Variants in EBF1 observed in about 807,000 individuals in gnomAD.
EBF1 encodes EBF transcription factor 1.
A neutral mutation model predicts 68.4 loss-of-function variants in EBF1; 10 were observed. That is an observed-to-expected ratio of 0.15 (90% CI 0.09 to 0.25). The LOEUF is 0.25. EBF1 is among the 10% of genes least tolerant of loss of function. The pLI, the probability that EBF1 is intolerant of heterozygous loss-of-function variation, is 1.00. For missense variants in EBF1, 509 were observed against 794.4 expected, an observed-to-expected ratio of 0.64 and a Z score of 4.32; for synonymous variants, 298 against 299.8, an observed-to-expected ratio of 0.99 and a Z score of 0.06.
rs757484665 is a variant in EBF1, at chr5:159,096,320, C to T, written c.355+23G>A. On this transcript the variant is annotated intron_variant, in intron 3 of 15. Coordinates refer to ENST00000313708, the MANE Select transcript of EBF1 (RefSeq NM_024007.5). ...CAGACCCGGAGCCCCAGGGTGAGGC[C>T]ATAGACCCGACCCGGGCCTCACCAT... 18 of 1,610,536 alleles carry T rather than the reference C, an allele frequency of 1.1e-5. No individual in the cohort carries two copies. The African/African-American group carries it at 2.3e-4, about 20-fold the overall frequency.
chr5:158,802,876 T>C (rs1012064883), intron 8 of EBF1, among the ~76,000 whole-genome samples: 1 of 152,174 alleles, frequency 6.6e-6, no homozygotes, highest in Non-Finnish European at 1.5e-5. Flanking sequence ...CAGCTCCCCA[T>C]TAACTAGAGT....
At chr5:158,725,274 A>G (rs1210067197) in intron 11 of EBF1, among the ~76,000 whole-genome samples, 2 of 152,170 alleles carry the variant, frequency 1.3e-5, no homozygotes, top group East Asian at 1.9e-4. Context: ...GAGACCCACC[A>G]AAAGGGTCCA....
intron 6 of EBF1, among the ~76,000 whole-genome samples, chr5:158,936,818 G>T (rs933524950): frequency 5.3e-5 from 8 of 152,136 alleles, no homozygotes; most frequent in Admixed American, 1.3e-4. Flanking sequence ...GAACAGAGTA[G>T]GCACGAGATA....
intron 5 of EBF1, among the ~76,000 whole-genome samples, chr5:159,078,102 G>C (rs190436385): frequency 6.6e-6 from 1 of 152,164 alleles, no homozygotes; most frequent in Non-Finnish European, 1.5e-5. Flanking sequence ...ACCACAAGCA[G>C]TGGAAGGAAA....
intron 6 of EBF1, among the ~76,000 whole-genome samples, chr5:159,041,919 T>A (rs1358378947): frequency 6.6e-6 from 1 of 152,180 alleles, no homozygotes; most frequent in East Asian, 1.9e-4. Context: ...AACTACTCAC[T>A]TTTGCTTGCA....
At chr5:158,739,892 G>A (rs1327959482) in intron 10 of EBF1, among the ~76,000 whole-genome samples, 1 of 152,204 alleles carries the variant, frequency 6.6e-6, no homozygotes, top group Non-Finnish European at 1.5e-5. Context: ...CCCCGTGTGT[G>A]TTCAGAATGA....
intron 15 of EBF1, among the ~76,000 whole-genome samples, chr5:158,701,851 C>T (rs773429005): frequency 5.3e-5 from 8 of 152,124 alleles, no homozygotes; most frequent in South Asian, 2.1e-4. Flanking sequence ...CTTCATCAGC[C>T]GACAGACTTC....
intron 5 of EBF1, among the ~76,000 whole-genome samples, chr5:159,074,503 C>G (rs1478858986): frequency 6.6e-6 from 1 of 152,192 alleles, no homozygotes; most frequent in Non-Finnish European, 1.5e-5. Context: ...CACGTGTACA[C>G]AGAGAGAGAT....
intron 6 of EBF1, among the ~76,000 whole-genome samples, chr5:158,849,417 T>C (rs1251763861): frequency 6.6e-6 from 1 of 152,148 alleles, no homozygotes; most frequent in African/African-American, 2.4e-5. Context: ...CCATCTCAGC[T>C]TCCCATCATC....
chr5:159,067,330 T>C (rs2127915111), intron 6 of EBF1, among the ~76,000 whole-genome samples: 1 of 152,306 alleles, frequency 6.6e-6, no homozygotes, highest in South Asian at 2.1e-4. Context: ...GACATGGGAT[T>C]AAAAACCTAC....
intron 6 of EBF1, among the ~76,000 whole-genome samples, chr5:158,856,211 T>C (rs1451983618): frequency 6.6e-6 from 1 of 152,132 alleles, no homozygotes; most frequent in Admixed American, 6.5e-5. Flanking sequence ...CGCACCCCAA[T>C]TTAAGCCAAG....
chr5:159,083,500 G>C (rs1780085482), intron 5 of EBF1, among the ~76,000 whole-genome samples: 1 of 152,090 alleles, frequency 6.6e-6, no homozygotes, highest in Admixed American at 6.5e-5. Flanking sequence ...ATATATTTTA[G>C]AATAATATGT....
chr5:159,000,893 AT>A (rs1762402705), intron 6 of EBF1, among the ~76,000 whole-genome samples: 2 of 152,206 alleles, frequency 1.3e-5, no homozygotes, highest in African/African-American at 4.8e-5. Flanking sequence ...ATTCATTGAT[AT>A]TGTTTCAGGT....
intron 6 of EBF1, among the ~76,000 whole-genome samples, chr5:158,893,794 C>T (rs1384104384): frequency 6.6e-6 from 1 of 152,090 alleles, no homozygotes; most frequent in Non-Finnish European, 1.5e-5. Context: ...TGCATAAATC[C>T]AGCCCCATTT....
rs1761711498 is a variant in EBF1, at chr5:158,997,768, C to T, written c.554+75628G>A. Among the ~76,000 whole-genome samples, 2 of 152,164 alleles carry T rather than the reference C, an allele frequency of 1.3e-5. 1 individual carries two copies. The highest frequency in any genetic ancestry group is 1.3e-4 in the Admixed American group (2 of 15,276). On this transcript the variant is annotated intron_variant, in intron 6 of 15. Transcript: ENST00000313708. ...GTGGCCCAAAGGAAGAAGTCCAAGC[C>T]TCCCAGACACAGGCCTTTGCTAGCT...
At chr5:159,095,530 C>T in intron 4 of EBF1, 90 bp downstream of exon 4, 1 of 1,488,066 alleles carries the variant, frequency 6.7e-7, no homozygotes, top group Non-Finnish European at 9.3e-7. Context: ...AGTTAGAGTC[C>T]CAGCCCACCT....
chr5:158,715,003 G>C (rs575080111), intron 11 of EBF1, among the ~76,000 whole-genome samples: 2 of 152,274 alleles, frequency 1.3e-5, no homozygotes, highest in South Asian at 4.1e-4. Flanking sequence ...TACAAAGTGA[G>C]TGTGGTGCTA....
chr5:158,916,094 G>A (rs1807136258), intron 6 of EBF1, among the ~76,000 whole-genome samples: 1 of 152,142 alleles, frequency 6.6e-6, no homozygotes, highest in South Asian at 2.1e-4. Context: ...TGAGTAGACT[G>A]CAGTCAGGTC....
Position 158,787,777 on chromosome 5 carries a change from T to C in EBF1, c.909+8568A>G, listed in dbSNP as rs148710809. ...ATTGACACAATTCCTGTAACAAGTG[T>C]AGGAAAAGGCATCACTTGTATCAAT... is the stretch of plus-strand genomic sequence containing the variant. On this transcript the variant is annotated intron_variant, in intron 9 of 15. Coordinates refer to ENST00000313708, the MANE Select transcript of EBF1 (RefSeq NM_024007.5). 9.1e-4 allele frequency among the ~76,000 whole-genome samples: 139 copies of C among 152,316 alleles called. 5 individuals are homozygous for C. In the East Asian group the frequency reaches 0.025, roughly 27 times the overall value.
Sources: gnomAD v4.1 joint callset for allele counts (sites outside exome capture counted in the v4.1 genomes callset) on GRCh38, gnomAD v4.1.1 for gene constraint, MANE v1.5 for transcripts, NCBI Gene and HGNC (gene_info 2026-07-23, HGNC 2026-07-21) for gene names.